AGPAT4: variants seen among roughly 807,000 people sequenced by gnomAD.
AGPAT4 encodes the protein 1-acyl-sn-glycerol-3-phosphate acyltransferase delta.
A neutral mutation model predicts 48.0 loss-of-function variants in AGPAT4; 15 were observed. The observed-to-expected ratio is 0.31, with a 90% CI of 0.21 to 0.48. AGPAT4 has a LOEUF of 0.48. Ranked by LOEUF, AGPAT4 falls within the 20% of genes least tolerant of loss-of-function variation. AGPAT4 has a pLI of 0.99. For missense variants in AGPAT4, 314 were observed against 482.5 expected, an observed-to-expected ratio of 0.65 and a Z score of 3.27; for synonymous variants, 178 against 198.7, an observed-to-expected ratio of 0.90 and a Z score of 0.88.
In AGPAT4 at chr6:161,246,591, T is replaced by G. The variant is rs1042510524; in HGVS notation, c.-89-14289A>C. ...CGCCCAGCTAATTTTGTATTTTTAG[T>G]CTAGATGGGGTTTCTCCATGTTGGT... is the stretch of plus-strand genomic sequence containing the variant. On this transcript the variant is annotated intron_variant, in intron 1 of 8. Transcript: ENST00000320285. This position sits in a 1 kb window ranked among gnomAD's most constrained non-coding sequence, Gnocchi z 5.5. Among the ~76,000 whole-genome samples the G allele has an allele frequency of 1.3e-5, 2 of 152,130 alleles. No individual in the cohort carries two copies. The highest frequency in any genetic ancestry group is 4.8e-5 in the African/African-American group (2 of 41,420).
At position 161,164,351 on chromosome 6, in the gene AGPAT4, C is replaced by T. The variant is rs967797167; in HGVS notation, c.348+1897G>A. Reference sequence around the variant, plus strand: ...TTCTCCAGCATCTCTGTGCATGACCCTGCTCTGCCAGCTCCTGCAACTCCA... The same window carrying T: ...TTCTCCAGCATCTCTGTGCATGACCTTGCTCTGCCAGCTCCTGCAACTCCA... On this transcript the variant is annotated intron_variant, in intron 3 of 8. Transcript: ENST00000320285. The surrounding 1 kb of genome is among the most constrained non-coding windows in gnomAD (Gnocchi z 7.4). Among the ~76,000 whole-genome samples the T allele has an allele frequency of 6.6e-6, 1 of 152,220 alleles. No homozygotes were observed. The highest frequency in any genetic ancestry group is 1.5e-5 in the Non-Finnish European group (1 of 68,044).
At chr6:161,209,307 C>A (rs904361522) in intron 2 of AGPAT4, among the ~76,000 whole-genome samples, 70 of 152,198 alleles carry the variant, frequency 4.6e-4, no homozygotes, top group African/African-American at 1.7e-3. Flanking sequence ...ATCAATTTCA[C>A]CAACAGCTGT....
Position 161,229,977 on chromosome 6 carries a change from C to A in AGPAT4, c.178+2059G>T, listed in dbSNP as rs569890150. Among the ~76,000 whole-genome samples, 2 of 152,126 alleles carry A rather than the reference C, an allele frequency of 1.3e-5. No individual in the cohort carries two copies. Among genetic ancestry groups the A allele is most frequent in the African/African-American group, 4.8e-5 (2 of 41,416 alleles). ...TAGACTACCTACCCTTCATTGCACCCGGCATTGAGATGCCAGTTGTCTTAG... is the reference window on the plus strand; with the variant it reads ...TAGACTACCTACCCTTCATTGCACCAGGCATTGAGATGCCAGTTGTCTTAG... On this transcript the variant is annotated intron_variant, in intron 2 of 8. Coordinates refer to ENST00000320285, the MANE Select transcript of AGPAT4 (RefSeq NM_020133.3). This position sits in a 1 kb window ranked among gnomAD's most constrained non-coding sequence, Gnocchi z 6.0.
chr6:161,236,319 C>T lies in AGPAT4; in HGVS notation c.-89-4017G>A, dbSNP rs1056169795. Among the ~76,000 whole-genome samples the T allele has an allele frequency of 1.3e-5, 2 of 152,020 alleles. No individual in the cohort carries two copies. The highest frequency in any genetic ancestry group is 2.4e-5 in the African/African-American group (1 of 41,368). ...CTATCAAGGCCAAAAATGATGAACT[C>T]GTGTGCTTGACAAAGTAAAGATGAT... On this transcript the variant is annotated intron_variant, in intron 1 of 8. Transcript: ENST00000320285. This position sits in a 1 kb window ranked among gnomAD's most constrained non-coding sequence, Gnocchi z 5.0.
At chr6:161,271,412 T>TCGCCA (rs1317494173) in intron 1 of AGPAT4, among the ~76,000 whole-genome samples, 1 of 152,204 alleles carries the variant, frequency 6.6e-6, no homozygotes. Context: ...GCTCTTCTTT[T>TCGCCA]CGCCACCCGT....
intron 2 of AGPAT4, among the ~76,000 whole-genome samples, chr6:161,167,611 G>A (rs1159290206): frequency 6.6e-6 from 1 of 152,166 alleles, no homozygotes; most frequent in African/African-American, 2.4e-5. Flanking sequence ...TACCCTACAG[G>A]CAGGTGGATT....
At chr6:161,153,844 GTCACATATGGCCACATGA>G in intron 4 of AGPAT4, among the ~76,000 whole-genome samples, 1 of 140,034 alleles carries the variant, frequency 7.1e-6, no homozygotes, top group Non-Finnish European at 1.5e-5. Flanking sequence ...TAGCCCCAGG[GTCACATATGGCCACATGA>G]TCACACACGG....
rs1339557124 is a variant in AGPAT4, at chr6:161,222,037, G to A, written c.178+9999C>T. ...CTCTTTCCTCTCAGTTCCTTTCCAC[G>A]AATGACTGCAATATTTGGGATGAGG... On this transcript the variant is annotated intron_variant, in intron 2 of 8. Coordinates refer to ENST00000320285, the MANE Select transcript of AGPAT4 (RefSeq NM_020133.3). This position sits in a 1 kb window ranked among gnomAD's most constrained non-coding sequence, Gnocchi z 5.9. Among the ~76,000 whole-genome samples, 5 of 152,112 alleles carry A rather than the reference G, an allele frequency of 3.3e-5. No homozygotes were observed. The highest frequency in any genetic ancestry group is 1.5e-5 in the Non-Finnish European group (1 of 68,020).
rs1452551585 is a variant in AGPAT4 at position 161,232,259 on chromosome 6, A to G, written c.-46T>C. 1.0e-5 allele frequency: 16 copies of G among 1,558,972 alleles called. No individual in the cohort carries two copies. Among genetic ancestry groups the G allele is most frequent in the Non-Finnish European group, 1.4e-5 (16 of 1,145,858 alleles). ...CAGAAATAAATAACTACCCACAGTC[A>G]AAGATTTCCAGAAGGAAGAAAGATC... On this transcript the variant is annotated 5_prime_UTR_variant, in exon 2 of 9. An upstream open reading frame in the 5' UTR loses its in-frame stop. Transcript: ENST00000320285. The surrounding 1 kb of genome is among the most constrained non-coding windows in gnomAD (Gnocchi z 6.8).
At position 161,244,421 on chromosome 6, in the gene AGPAT4, T is replaced by A. The variant is rs542429319; in HGVS notation, c.-89-12119A>T. Among the ~76,000 whole-genome samples, 1 of 152,356 alleles carries A rather than the reference T, an allele frequency of 6.6e-6. No homozygotes were observed. The highest frequency in any genetic ancestry group is 2.1e-4 in the South Asian group (1 of 4,826). On this transcript the variant is annotated intron_variant, in intron 1 of 8. Transcript: ENST00000320285. The surrounding 1 kb of genome is among the most constrained non-coding windows in gnomAD (Gnocchi z 4.7). ...AACAAATAATAAAAAGCCTTTAAAG[T>A]TAAGGTTTATGGCGAAATTTAAAAT...
In AGPAT4 at chr6:161,255,795, T is replaced by C. The variant is rs866279530; in HGVS notation, c.-90+18143A>G. Among the ~76,000 whole-genome samples the C allele has an allele frequency of 6.6e-6, 1 of 152,056 alleles. No individual in the cohort carries two copies. The highest frequency in any genetic ancestry group is 1.5e-5 in the Non-Finnish European group (1 of 68,012). ...CTAAAAATGCTCTCAAAGTAGATAG[T>C]GGTGATGGTCGCACAACCATGAATA... On this transcript the variant is annotated intron_variant, in intron 1 of 8. Transcript: ENST00000320285. This position sits in a 1 kb window ranked among gnomAD's most constrained non-coding sequence, Gnocchi z 4.7.
At chr6:161,152,559 A>G (rs926254953) in intron 5 of AGPAT4, among the ~76,000 whole-genome samples, 9 of 152,158 alleles carry the variant, frequency 5.9e-5, no homozygotes, top group Admixed American at 2.6e-4. Context: ...CCCCAGATGC[A>G]GGCCTGGGGA....
rs1780055111 is a variant in AGPAT4 at position 161,165,074 on chromosome 6, C to T, written c.348+1174G>A. 6.6e-6 allele frequency among the ~76,000 whole-genome samples: 1 copy of T among 152,152 alleles called. No individual in the cohort carries two copies. Among genetic ancestry groups the T allele is most frequent in the African/African-American group, 2.4e-5 (1 of 41,432 alleles). ...CTGGTATCCATGACGGGGTTAGGAC[C>T]ATGACATTCTAAGGGGCGATCTCTC... On this transcript the variant is annotated intron_variant, in intron 3 of 8. Transcript: ENST00000320285. This position sits in a 1 kb window ranked among gnomAD's most constrained non-coding sequence, Gnocchi z 5.5.
rs1781869763 is a variant in AGPAT4 at position 161,222,848 on chromosome 6, G to C, written c.178+9188C>G. The stretch of plus-strand genomic sequence containing the variant: ...CACGGTGGCCTCACGACACAGCAAG[G>C]CCATGATGACATTTGATAGGTCCAT... On this transcript the variant is annotated intron_variant, in intron 2 of 8. Transcript: ENST00000320285. This position sits in a 1 kb window ranked among gnomAD's most constrained non-coding sequence, Gnocchi z 5.9. Among the ~76,000 whole-genome samples the C allele has an allele frequency of 6.6e-6, 1 of 152,102 alleles. No homozygotes were observed. The highest frequency in any genetic ancestry group is 2.4e-5 in the African/African-American group (1 of 41,410).
At position 161,223,174 on chromosome 6, in the gene AGPAT4, G is replaced by A. The variant is rs115122339; in HGVS notation, c.178+8862C>T. ...GACTGGGTCCCTACCAAGGACAGCA[G>A]CTGCACCCCTCTCATCTCTGTTCTC... On this transcript the variant is annotated intron_variant, in intron 2 of 8. Transcript: ENST00000320285. The surrounding 1 kb of genome is among the most constrained non-coding windows in gnomAD (Gnocchi z 6.3). Among the ~76,000 whole-genome samples the A allele has an allele frequency of 4.2e-3, 637 of 152,246 alleles. 5 individuals carry two copies. The highest frequency in any genetic ancestry group is 0.015 in the African/African-American group (606 of 41,532).
chr6:161,141,161 C>T lies in AGPAT4; in HGVS notation c.844-1541G>A, dbSNP rs6935947. Among the ~76,000 whole-genome samples the T allele has an allele frequency of 0.01, 1,569 of 152,028 alleles. 27 individuals carry two copies. Among genetic ancestry groups the T allele is most frequent in the African/African-American group, 0.035 (1,471 of 41,448 alleles). ...ACACTAGGCCATTTTGGAAGGAGAA[C>T]CCCCAACCCCTTCCCTGGGCAGTTC... is the stretch of plus-strand genomic sequence containing the variant. On this transcript the variant is annotated intron_variant, in intron 7 of 8. Coordinates refer to ENST00000320285, the MANE Select transcript of AGPAT4 (RefSeq NM_020133.3). This position sits in a 1 kb window ranked among gnomAD's most constrained non-coding sequence, Gnocchi z 6.7.
chr6:161,249,272 G>A lies in AGPAT4; in HGVS notation c.-89-16970C>T, dbSNP rs1364784341. 3.3e-5 allele frequency among the ~76,000 whole-genome samples: 5 copies of A among 152,034 alleles called. No individual in the cohort carries two copies. Among genetic ancestry groups the A allele is most frequent in the Non-Finnish European group, 5.9e-5 (4 of 67,990 alleles). ...TAGGAATGGGCAAAGATTTCATGACGAACACACCAAAGCAATTGCAACAAA... is the reference window on the plus strand; with the variant it reads ...TAGGAATGGGCAAAGATTTCATGACAAACACACCAAAGCAATTGCAACAAA... On this transcript the variant is annotated intron_variant, in intron 1 of 8. Coordinates refer to ENST00000320285, the MANE Select transcript of AGPAT4 (RefSeq NM_020133.3). This position sits in a 1 kb window ranked among gnomAD's most constrained non-coding sequence, Gnocchi z 6.2.
Position 161,139,559 on chromosome 6 carries a change from G to A in AGPAT4, c.905C>T (p.Pro302Leu), listed in dbSNP as rs766516442. ...GTTCACGAGGGTCCAGGGCCGCCGG[G>A]GGGGCACCATGGGCGTCTCTGGGAA... ...GTFPETPMVP[P>L]RRPWTLVNWL... The change falls in exon 8 of 9, where the codon CCC becomes CTC. Residue 302 changes from proline (P) to leucine (L), a missense_variant. Pro to Leu is a moderately conservative substitution (Grantham distance 98). Transcript: ENST00000320285. The surrounding 1 kb of genome is among the most constrained non-coding windows in gnomAD (Gnocchi z 9.1). 1 of 1,613,976 alleles carries A rather than the reference G, an allele frequency of 6.2e-7. No individual in the cohort carries two copies. The highest frequency in any genetic ancestry group is 8.5e-7 in the Non-Finnish European group (1 of 1,179,932).
intron 2 of AGPAT4, among the ~76,000 whole-genome samples, chr6:161,187,833 C>T (rs972701189): frequency 6.6e-6 from 1 of 152,142 alleles, no homozygotes; most frequent in Non-Finnish European, 1.5e-5. Context: ...CGTGAGCCAC[C>T]GTGCCCGGCC....
Sources: allele counts gnomAD v4.1 joint callset (sites outside exome capture counted in the v4.1 genomes callset), GRCh38; gene constraint gnomAD v4.1.1; non-coding constraint Gnocchi (gnomAD v3.1); transcripts MANE v1.5; gene names NCBI Gene and HGNC (gene_info 2026-07-23, HGNC 2026-07-21).